Variants in LAMA4 observed in about 807,000 individuals in gnomAD.
LAMA4 encodes laminin subunit alpha 4, also known as laminin subunit alpha-4.
LAMA4 carries 127 observed loss-of-function variants against 207.1 expected under a neutral mutation model. That is an observed-to-expected ratio of 0.61 (90% CI 0.53 to 0.71). The LOEUF is 0.71. LAMA4 is among the 30% of genes least tolerant of loss of function. The pLI is 0.00. For synonymous variants in LAMA4, 761 were observed against 816.0 expected (o/e 0.93, Z 1.15); for missense variants, 2,093 against 2,246.5 (o/e 0.93, Z 1.38).
chr6:112,159,952 C>A (rs1021381035), intron 13 of LAMA4, among the ~76,000 whole-genome samples: 2 of 152,060 alleles, frequency 1.3e-5, no homozygotes, highest in African/African-American at 4.8e-5. Context: ...CTATTCTGGG[C>A]AGAACCCCCA....
chr6:112,131,197 T>C, intron 28 of LAMA4, 96 bp from the exon 29 acceptor site: 2 of 1,125,142 alleles, frequency 1.8e-6, no homozygotes, highest in Admixed American at 1.7e-5. Context: ...TTAAAGGCAA[T>C]ATAGTGTGTA....
rs1554320479 is a variant in LAMA4 at position 112,108,415 on chromosome 6, A to T, written c.*1022T>A. On this transcript the variant is annotated 3_prime_UTR_variant, in exon 39 of 39. Transcript: ENST00000230538. ...GACTAGTTGTGTTGCAGGTATGTGG[A>T]GAGCACACTTTGTTTTTGAGACAGG... Among the ~76,000 whole-genome samples, 1 of 152,174 alleles carries T rather than the reference A, an allele frequency of 6.6e-6. No homozygotes were observed. Among genetic ancestry groups the T allele is most frequent in the African/African-American group, 2.4e-5 (1 of 41,454 alleles).
chr6:112,242,474 C>T (rs1786588128), intron 2 of LAMA4, among the ~76,000 whole-genome samples: 1 of 152,156 alleles, frequency 6.6e-6, no homozygotes, highest in South Asian at 2.1e-4. Flanking sequence ...AAAATTCAAG[C>T]CCACCTGTAT....
chr6:112,207,241 G>A, intron 3 of LAMA4, 96 bp from the exon 4 acceptor site: 1 of 1,357,098 alleles, frequency 7.4e-7, no homozygotes, highest in Admixed American at 1.7e-5. Context: ...AAGCAAAAGG[G>A]ACATCAGATC....
intron 2 of LAMA4, among the ~76,000 whole-genome samples, chr6:112,227,440 G>A (rs1785286099): frequency 1.3e-5 from 2 of 152,032 alleles, no homozygotes; most frequent in Admixed American, 6.6e-5. Flanking sequence ...AAGAGGAAAA[G>A]GAGCAAATGA....
chr6:112,209,794 A>T (rs1554355758), intron 3 of LAMA4, among the ~76,000 whole-genome samples: 1 of 152,200 alleles, frequency 6.6e-6, no homozygotes, highest in African/African-American at 2.4e-5. Flanking sequence ...TGACAACAAT[A>T]AAAAAGGTAT....
intron 3 of LAMA4, among the ~76,000 whole-genome samples, chr6:112,212,390 AT>A (rs1305023739): frequency 1.3e-5 from 2 of 151,942 alleles, no homozygotes; most frequent in Middle Eastern, 3.2e-3. Context: ...TACCTGGTTA[AT>A]TTTTGTATTT....
intron 13 of LAMA4, among the ~76,000 whole-genome samples, chr6:112,162,411 G>T (rs1781109491): frequency 6.6e-6 from 1 of 152,118 alleles, no homozygotes; most frequent in South Asian, 2.1e-4. Flanking sequence ...GGCAGAGGTT[G>T]CAGTGAGCCG....
At chr6:112,214,792 G>GA (rs1382671789) in intron 3 of LAMA4, among the ~76,000 whole-genome samples, 1 of 152,172 alleles carries the variant, frequency 6.6e-6, no homozygotes, top group African/African-American at 2.4e-5. Flanking sequence ...CAGGACCTTG[G>GA]AGGGAATCAC....
intron 2 of LAMA4, among the ~76,000 whole-genome samples, chr6:112,223,872 C>T (rs1785053938): frequency 6.6e-6 from 1 of 152,268 alleles, no homozygotes; most frequent in Non-Finnish European, 1.5e-5. Flanking sequence ...TACCCTCTTA[C>T]TCTCAGCAGC....
intron 2 of LAMA4, among the ~76,000 whole-genome samples, chr6:112,233,417 C>T (rs749780553): frequency 2.5e-4 from 38 of 152,172 alleles, no homozygotes; most frequent in Non-Finnish European, 5.0e-4. Context: ...GGAACTTGCA[C>T]AGGCAATTTG....
At chr6:112,140,313 C>T (rs1554332799) in intron 22 of LAMA4, among the ~76,000 whole-genome samples, 1 of 152,164 alleles carries the variant, frequency 6.6e-6, no homozygotes, top group African/African-American at 2.4e-5. Context: ...CTTTATCCCC[C>T]TTCATCAGAT....
chr6:112,130,144 T>G, intron 29 of LAMA4, 104 bp from the exon 30 acceptor site: 1 of 945,840 alleles, frequency 1.1e-6, no homozygotes, highest in Non-Finnish European at 1.7e-6. Context: ...AAATGGAACA[T>G]GTGGTTAATG....
intron 3 of LAMA4, among the ~76,000 whole-genome samples, chr6:112,210,040 A>C (rs1583899224): frequency 6.8e-6 from 1 of 147,956 alleles, no homozygotes; most frequent in Admixed American, 6.8e-5. Flanking sequence ...TCTCTCCCCC[A>C]CCTCCCACTG....
intron 38 of LAMA4, 140 bp downstream of exon 38, chr6:112,113,936 T>TA: frequency 2.1e-6 from 2 of 963,372 alleles, no homozygotes; most frequent in Non-Finnish European, 3.3e-6. Flanking sequence ...TATTATGCCT[T>TA]TTCCATTTAA....
rs1472496288 is a variant in LAMA4 at position 112,114,707 on chromosome 6, G to A, written c.5162C>T (p.Thr1721Ile). ...GCCATCACAGAGACTCTGCTTGGGT[G>A]TAACTGAGGTGGAAAAATCTCTGAT... ...NGIRDFSTSV[T>I]PKQSLCDGRW... is the part of the protein sequence containing the mutation. The change falls in exon 37 of 39, where the codon ACA becomes ATA. Residue 1721 changes from threonine (T) to isoleucine (I), a missense_variant. This residue lies in a region of LAMA4 where 383 missense variants were observed against 437.8 expected (regional missense o/e 0.87). Coordinates refer to ENST00000230538, the MANE Select transcript of LAMA4 (RefSeq NM_001105206.3). 1.1e-5 allele frequency: 18 copies of A among 1,613,242 alleles called. No individual in the cohort carries two copies. The highest frequency in any genetic ancestry group is 1.4e-5 in the Non-Finnish European group (17 of 1,179,350).
In LAMA4 at chr6:112,241,172, A is replaced by AATATATATATTC. The variant is rs61692382; in HGVS notation, c.195+12783_195+12784insGAATATATATAT. ...ATGAATATATATATGAATATATATGAATATATATGAATATATATGAATATA... is the reference window on the plus strand; with the variant it reads ...ATGAATATATATATGAATATATATGAATATATATATTCATATATATGAATATATATGAATATA... On this transcript the variant is annotated intron_variant, in intron 2 of 38. Transcript: ENST00000230538. Among the ~76,000 whole-genome samples the AATATATATATTC allele has an allele frequency of 1.1e-4, 10 of 89,396 alleles. 1 individual carries two copies. Among genetic ancestry groups the AATATATATATTC allele is most frequent in the Non-Finnish European group, 2.0e-4 (9 of 44,390 alleles). 58.6% of individuals were successfully genotyped at this position (89,396 alleles called of 152,430 possible).
Position 112,185,217 on chromosome 6 carries a change from C to T in LAMA4, c.1077+20G>A. The T allele has an allele frequency of 6.8e-7, 1 of 1,478,646 alleles. No individual in the cohort carries two copies. The highest frequency in any genetic ancestry group is 9.5e-7 in the Non-Finnish European group (1 of 1,056,830). The allele number at this position is 1,478,646 out of a possible 1,614,324, so 91.6% of individuals were successfully genotyped here. On this transcript the variant is annotated intron_variant, in intron 9 of 38. Transcript: ENST00000230538. ...CTTTCTTTGAAGGCTGTCCCAGAAA[C>T]TGAATACATACATACGTACCTTTTC... is the stretch of plus-strand genomic sequence containing the variant.
Position 112,175,496 on chromosome 6 carries a change from T to C in LAMA4, c.1190-16A>G. The C allele has an allele frequency of 1.2e-6, 2 of 1,613,918 alleles. No individual in the cohort carries two copies. The highest frequency in any genetic ancestry group is 1.7e-6 in the Non-Finnish European group (2 of 1,179,910). ...TTGTTGATCTCTGAAAGGAAGAACATGGTGAAACAAGGCAGCAGGGAGAGA... is the reference window on the plus strand; with the variant it reads ...TTGTTGATCTCTGAAAGGAAGAACACGGTGAAACAAGGCAGCAGGGAGAGA... On this transcript the variant is annotated splice_polypyrimidine_tract_variant and intron_variant, in intron 10 of 38. Transcript: ENST00000230538.
Sources: gnomAD v4.1 joint callset for allele counts (sites outside exome capture counted in the v4.1 genomes callset) on GRCh38, gnomAD v4.1.1 for gene constraint, gnomAD v4.1.1 regional missense constraint, MANE v1.5 for transcripts, NCBI Gene and HGNC (gene_info 2026-07-23, HGNC 2026-07-21) for gene names.